Variants in ERICH1 observed in about 807,000 individuals in gnomAD.
ERICH1 encodes glutamate-rich protein 1.
ERICH1 carries 56 observed loss-of-function variants against 39.6 expected under a neutral mutation model. The observed-to-expected ratio is 1.41, with a 90% CI of 1.14 to 1.77. The LOEUF (loss-of-function observed/expected upper bound fraction) is 1.77. Ranked by LOEUF, ERICH1 falls within the 40% of genes most tolerant of loss-of-function variation. The pLI, the probability that ERICH1 is intolerant of heterozygous loss-of-function variation, is 0.00. For missense variants in ERICH1, 826 were observed against 575.4 expected, an observed-to-expected ratio of 1.44 and a Z score of -4.45; for synonymous variants, 313 against 223.6, an observed-to-expected ratio of 1.40 and a Z score of -3.57.
At chr8:616,378 C>T (rs922886780) in intron 3 of ERICH1, 12 of 355,542 alleles carry the variant, frequency 3.4e-5, no homozygotes, top group Non-Finnish European at 5.6e-5. Flanking sequence ...GGGCGGCCGC[C>T]GTCCAGAGAG....
chr8:650,204 G>A (rs988997833), intron 3 of ERICH1, among the ~76,000 whole-genome samples: 1 of 152,186 alleles, frequency 6.6e-6, no homozygotes, highest in East Asian at 1.9e-4. Context: ...CAGGAGCTGC[G>A]TCCCGTTCCG....
At chr8:617,139 A>C (rs141030042) in intron 3 of ERICH1, among the ~76,000 whole-genome samples, 2 of 152,278 alleles carry the variant, frequency 1.3e-5, no homozygotes, top group East Asian at 3.9e-4. Flanking sequence ...GAAACTGAGA[A>C]AGAAAGAAGG....
chr8:634,037 G>T lies in ERICH1; in HGVS notation c.977-18753C>A, dbSNP rs924273156. ...AAAAAGCAGACAGCGGGACTGCGTG[G>T]AAACAAAAACATTTCGTCCATCAAA... is the stretch of plus-strand genomic sequence containing the variant. On this transcript the variant is annotated intron_variant, in intron 3 of 3. Coordinates refer to the ERICH1 transcript ENST00000522706. 9.9e-5 allele frequency among the ~76,000 whole-genome samples: 15 copies of T among 152,110 alleles called. No homozygotes were observed. The South Asian group carries it at 2.9e-3, about 30-fold the overall frequency.
At position 664,722 on chromosome 8, in the gene ERICH1, A is replaced by T. The variant is rs762005917; in HGVS notation, c.1259-46T>A. ...AACAAAAAATAAAACAAAGACAAAA[A>T]GAAAAATCATAAGTTATTATTATGT... On this transcript the variant is annotated intron_variant, in intron 5 of 5. Coordinates refer to ENST00000262109, the MANE Select transcript of ERICH1 (RefSeq NM_207332.3). 10 of 1,495,818 alleles carry T rather than the reference A, an allele frequency of 6.7e-6. No individual in the cohort carries two copies. In the African/African-American group the frequency reaches 1.3e-4, roughly 19 times the overall value. 92.7% of individuals were successfully genotyped at this position (1,495,818 alleles called of 1,614,324 possible).
intron 2 of ERICH1, among the ~76,000 whole-genome samples, chr8:712,948 G>A (rs1815094661): frequency 6.6e-6 from 1 of 152,234 alleles, no homozygotes; most frequent in Admixed American, 6.5e-5. Flanking sequence ...TTCTAGGGCT[G>A]CCACTACAAA....
intron 3 of ERICH1, among the ~76,000 whole-genome samples, chr8:649,780 A>T (rs1799710230): frequency 6.6e-6 from 1 of 152,160 alleles, no homozygotes. Flanking sequence ...CCACGTGGAG[A>T]CAGAGCAGCC....
chr8:706,702 G>A (rs147847048), intron 2 of ERICH1, among the ~76,000 whole-genome samples: 4,574 of 152,204 alleles, frequency 0.03, 246 homozygotes, highest in African/African-American at 0.1. Context: ...CCCAGGAGGC[G>A]GAGGTTGTGG....
chr8:619,778 G>A (rs1232258152), intron 3 of ERICH1, among the ~76,000 whole-genome samples: 1 of 152,128 alleles, frequency 6.6e-6, no homozygotes, highest in Non-Finnish European at 1.5e-5. Context: ...GTTGTATGAA[G>A]TCTATGGAAT....
At chr8:615,213 C>G in exon 4 of ERICH1, 1 of 682,180 alleles carries the variant, frequency 1.5e-6, no homozygotes, top group Non-Finnish European at 2.6e-6. Flanking sequence ...CAAGTCAGCA[C>G]CACAGCTGGT....
At chr8:660,357 G>T (rs1015186737), downstream of ERICH1, among the ~76,000 whole-genome samples, 4 of 152,252 alleles carry the variant, frequency 2.6e-5, no homozygotes, top group Non-Finnish European at 5.9e-5. Context: ...TTTAAAAAGA[G>T]GTTCTCCATA....
intron 1 of ERICH1, among the ~76,000 whole-genome samples, chr8:719,967 G>A (rs1298273126): frequency 3.3e-5 from 5 of 152,196 alleles, no homozygotes; most frequent in South Asian, 2.1e-4. Context: ...GCCCTACAAG[G>A]TACCGCAGGC....
intron 2 of ERICH1, among the ~76,000 whole-genome samples, chr8:704,894 G>T (rs1812917698): frequency 6.6e-6 from 1 of 152,116 alleles, no homozygotes; most frequent in Non-Finnish European, 1.5e-5. Flanking sequence ...GAACATTGCT[G>T]TTTTTAATAA....
chr8:682,121 A>G (rs1053095975), intron 3 of ERICH1, among the ~76,000 whole-genome samples: 2 of 150,292 alleles, frequency 1.3e-5, no homozygotes, highest in Admixed American at 6.6e-5. Flanking sequence ...GTAAAACCCC[A>G]TTGTGGTGGT....
At chr8:620,107 T>A (rs750241301) in intron 3 of ERICH1, among the ~76,000 whole-genome samples, 8 of 150,090 alleles carry the variant, frequency 5.3e-5, no homozygotes, top group Non-Finnish European at 8.9e-5. Context: ...AGGTCAGGAG[T>A]TCGAAACCAG....
intron 3 of ERICH1, among the ~76,000 whole-genome samples, chr8:687,038 G>C (rs568008262): frequency 8.5e-5 from 13 of 152,340 alleles, no homozygotes; most frequent in Admixed American, 6.5e-4. Flanking sequence ...AAGGCAGAGA[G>C]AGCCACGATT....
At chr8:716,433 T>C (rs957198365) in intron 1 of ERICH1, among the ~76,000 whole-genome samples, 1 of 152,246 alleles carries the variant, frequency 6.6e-6, no homozygotes, top group African/African-American at 2.4e-5. Flanking sequence ...GGTGAGTGAA[T>C]GGAGCAGGTC....
At chr8:631,518 C>T (rs1017788152) in intron 3 of ERICH1, among the ~76,000 whole-genome samples, 4 of 152,096 alleles carry the variant, frequency 2.6e-5, no homozygotes, top group South Asian at 4.1e-4. Flanking sequence ...GAAGTGGTGA[C>T]GGATTGGGCG....
At chr8:627,331 A>G (rs923044020) in intron 3 of ERICH1, 2 of 410,306 alleles carry the variant, frequency 4.9e-6, no homozygotes, top group Non-Finnish European at 1.0e-5. Context: ...TGAGTGAATG[A>G]CAGCTCCTTG....
At chr8:685,665 G>C (rs913018739) in intron 3 of ERICH1, among the ~76,000 whole-genome samples, 9 of 152,164 alleles carry the variant, frequency 5.9e-5, no homozygotes, top group African/African-American at 2.2e-4. Flanking sequence ...TATGTTCTCT[G>C]TCACGCCTTC....
Sources: allele counts gnomAD v4.1 joint callset (sites outside exome capture counted in the v4.1 genomes callset), GRCh38; gene constraint gnomAD v4.1.1; transcripts MANE v1.5; gene names NCBI Gene and HGNC (gene_info 2026-07-23, HGNC 2026-07-21).